Variants in PHACTR1 observed in about 807,000 individuals in gnomAD.
The protein encoded by PHACTR1 is phosphatase and actin regulator 1.
PHACTR1 carries 16 observed loss-of-function variants against 69.2 expected under a neutral mutation model. The ratio of observed to expected loss-of-function variants is 0.23; its 90% CI spans 0.16 to 0.35. The LOEUF is 0.35. PHACTR1 is among the 10% of genes least tolerant of loss of function. The probability of loss-of-function intolerance (pLI) is 1.00; values close to 1 mark genes in which losing one functional copy is unlikely to be tolerated. For missense variants in PHACTR1, 510 were observed against 734.7 expected, an observed-to-expected ratio of 0.69 and a Z score of 3.54; for synonymous variants, 312 against 284.5, an observed-to-expected ratio of 1.10 and a Z score of -0.97.
chr6:13,256,723 C>G (rs1198847162), intron 10 of PHACTR1, among the ~76,000 whole-genome samples: 1 of 152,198 alleles, frequency 6.6e-6, no homozygotes, highest in Non-Finnish European at 1.5e-5. Flanking sequence ...CAGAAGTGAC[C>G]TTTGCCCCAG....
intron 4 of PHACTR1, among the ~76,000 whole-genome samples, chr6:12,811,038 T>C (rs1774957818): frequency 6.7e-6 from 1 of 149,982 alleles, no homozygotes; most frequent in Non-Finnish European, 1.5e-5. Flanking sequence ...CAGTGGGTGC[T>C]CTGAGGACTT....
At chr6:12,753,317 T>C (rs918616379) in intron 4 of PHACTR1, among the ~76,000 whole-genome samples, 1 of 152,220 alleles carries the variant, frequency 6.6e-6, no homozygotes. Flanking sequence ...TGGGCTAGTG[T>C]ATTCTATTTA....
chr6:13,026,455 T>C (rs1174065139), intron 4 of PHACTR1, among the ~76,000 whole-genome samples: 1 of 152,184 alleles, frequency 6.6e-6, no homozygotes, highest in Non-Finnish European at 1.5e-5. Context: ...AAGCTTTTTT[T>C]CCAGAGGGTC....
intron 4 of PHACTR1, among the ~76,000 whole-genome samples, chr6:12,856,251 C>CTTTTTTTTTTTTTTTTT (rs201867496): frequency 3.1e-5 from 3 of 95,276 alleles, no homozygotes; most frequent in African/African-American, 9.0e-5. Context: ...TTCTTTCTTT[C>CTTTTTTTTTTTTTTTTT]TTTCTTTTTT....
chr6:12,888,581 C>T (rs781762229), intron 4 of PHACTR1, among the ~76,000 whole-genome samples: 13 of 151,978 alleles, frequency 8.6e-5, no homozygotes, highest in African/African-American at 3.1e-4. Flanking sequence ...CTTTTAAATG[C>T]CCATTAATGG....
chr6:12,752,032 T>C (rs1766685963), intron 4 of PHACTR1, among the ~76,000 whole-genome samples: 1 of 152,116 alleles, frequency 6.6e-6, no homozygotes. Flanking sequence ...TTTTCATCCC[T>C]CTCCACCTAC....
intron 10 of PHACTR1, among the ~76,000 whole-genome samples, chr6:13,253,719 T>A (rs1390729046): frequency 1.3e-5 from 2 of 152,146 alleles, no homozygotes; most frequent in African/African-American, 4.8e-5. Context: ...CCCACAGTGG[T>A]GGGCATGTTC....
At chr6:12,968,235 G>A (rs946971927) in intron 4 of PHACTR1, among the ~76,000 whole-genome samples, 1 of 152,170 alleles carries the variant, frequency 6.6e-6, no homozygotes, top group African/African-American at 2.4e-5. Flanking sequence ...CTTCTCTACT[G>A]AAATCATGTT....
chr6:13,039,734 T>A (rs1187231729), intron 4 of PHACTR1, among the ~76,000 whole-genome samples: 1 of 152,176 alleles, frequency 6.6e-6, no homozygotes, highest in East Asian at 1.9e-4. Flanking sequence ...ATTGAAATGA[T>A]CATTAAGAAA....
In PHACTR1 at chr6:12,737,836, T is replaced by G. The variant is rs183555354; in HGVS notation, c.104-11808T>G. ...GTCTCAAACTCCTGGCCTAAAGTGA[T>G]CCTCCCTCAAAATGCTGAGATTATA... On this transcript the variant is annotated intron_variant, in intron 3 of 14. Transcript: ENST00000332995. Among the ~76,000 whole-genome samples, 67 of 152,244 alleles carry G rather than the reference T, an allele frequency of 4.4e-4. 1 individual carries two copies. The highest frequency in any genetic ancestry group is 3.4e-3 in the Middle Eastern group (1 of 294).
intron 13 of PHACTR1, among the ~76,000 whole-genome samples, chr6:13,284,991 G>A (rs547099691): frequency 1.1e-4 from 17 of 152,302 alleles, no homozygotes; most frequent in African/African-American, 4.1e-4. Context: ...GCATTGCCAT[G>A]CCCCTGACAG....
intron 4 of PHACTR1, among the ~76,000 whole-genome samples, chr6:13,036,139 A>AG (rs1267648931): frequency 1.3e-5 from 2 of 151,806 alleles, no homozygotes; most frequent in Non-Finnish European, 2.9e-5. Flanking sequence ...CGCATTCCAA[A>AG]AAAAAAAAGA....
intron 4 of PHACTR1, among the ~76,000 whole-genome samples, chr6:12,808,830 C>T (rs1581849314): frequency 1.3e-5 from 2 of 151,420 alleles, no homozygotes; most frequent in Admixed American, 6.6e-5. Flanking sequence ...CCCCTTCCCC[C>T]TCCCCCTCCT....
chr6:12,971,955 G>A (rs1305492545), intron 4 of PHACTR1, among the ~76,000 whole-genome samples: 2 of 152,200 alleles, frequency 1.3e-5, no homozygotes, highest in Non-Finnish European at 2.9e-5. Flanking sequence ...GCTATGTAAG[G>A]TTGGGGTGAG....
rs143289635 is a variant in PHACTR1, at chr6:13,082,018, G to A, written c.415+28489G>A. Among the ~76,000 whole-genome samples the A allele has an allele frequency of 2.6e-5, 4 of 152,282 alleles. 1 individual carries two copies. The Middle Eastern group carries it at 0.01, about 388-fold the overall frequency. ...GATCAATCTGGCCACACTTTCTTATGAGCAAGAACAGATGTTAATACTTAA... is the reference window on the plus strand; with the variant it reads ...GATCAATCTGGCCACACTTTCTTATAAGCAAGAACAGATGTTAATACTTAA... On this transcript the variant is annotated intron_variant, in intron 5 of 14. Transcript: ENST00000332995.
chr6:12,921,067 C>T (rs1428350826), intron 4 of PHACTR1, among the ~76,000 whole-genome samples: 1 of 152,184 alleles, frequency 6.6e-6, no homozygotes, highest in African/African-American at 2.4e-5. Context: ...ACAAATGAGA[C>T]ACTTAGGGTG....
intron 10 of PHACTR1, among the ~76,000 whole-genome samples, chr6:13,238,967 G>T (rs1421595587): frequency 6.6e-6 from 1 of 152,220 alleles, no homozygotes; most frequent in African/African-American, 2.4e-5. Flanking sequence ...GGCCATGCTT[G>T]TAGGCCTAGC....
chr6:13,265,366 G>GCAAATA (rs11281713), intron 10 of PHACTR1, among the ~76,000 whole-genome samples: 133,295 of 151,790 alleles, frequency 0.88, 59,007 homozygotes, highest in African/African-American at 0.92. Context: ...GCAGGTCAAA[G>GCAAATA]GCACTTATTT....
chr6:12,908,880 G>C (rs1372367820), intron 4 of PHACTR1, among the ~76,000 whole-genome samples: 3 of 152,184 alleles, frequency 2.0e-5, no homozygotes, highest in Non-Finnish European at 4.4e-5. Flanking sequence ...CCGCTTTCCT[G>C]CTAGCCATAA....
Sources: gnomAD v4.1 joint callset for allele counts (sites outside exome capture counted in the v4.1 genomes callset) on GRCh38, gnomAD v4.1.1 for gene constraint, MANE v1.5 for transcripts, NCBI Gene and HGNC (gene_info 2026-07-23, HGNC 2026-07-21) for gene names.